KIAA1217: variants seen among roughly 807,000 people sequenced by gnomAD.
KIAA1217 encodes the protein KIAA1217, also known as sickle tail protein homolog.
In KIAA1217, 88 loss-of-function variants were observed where a neutral mutation model predicts 163.9. The observed-to-expected ratio is 0.54, with a 90% CI of 0.45 to 0.64. The LOEUF (loss-of-function observed/expected upper bound fraction) is 0.64, where lower values mean the gene tolerates loss of function less well. KIAA1217 is among the 30% of genes least tolerant of loss of function. The pLI is 0.00. For missense variants in KIAA1217, 2,372 were observed against 2,475.0 expected (o/e 0.96, Z 0.88); for synonymous variants, 903 against 923.1 (o/e 0.98, Z 0.39).
At chr10:24,403,231 T>TTTATTA (rs1020114353) in intron 3 of KIAA1217, among the ~76,000 whole-genome samples, 1 of 152,070 alleles carries the variant, frequency 6.6e-6, no homozygotes, top group African/African-American at 2.4e-5. Flanking sequence ...ATTCTATTTA[T>TTTATTA]TTATTATTAT....
At chr10:23,843,477 T>A (rs1263766391) in intron 1 of KIAA1217, among the ~76,000 whole-genome samples, 1 of 152,170 alleles carries the variant, frequency 6.6e-6, no homozygotes, top group Non-Finnish European at 1.5e-5. Flanking sequence ...TTCTCCCAAG[T>A]GTTTTCAGCC....
chr10:24,246,898 CA>C (rs2073864759), intron 2 of KIAA1217, among the ~76,000 whole-genome samples: 1 of 151,838 alleles, frequency 6.6e-6, no homozygotes, highest in Non-Finnish European at 1.5e-5. Flanking sequence ...TCTGCAATTC[CA>C]GCTACTTAGG....
chr10:24,335,449 C>T lies in KIAA1217; in HGVS notation c.355-45420C>T, dbSNP rs200021667. Among the ~76,000 whole-genome samples the T allele has an allele frequency of 5.7e-4, 86 of 151,980 alleles. 2 individuals are homozygous for T. The East Asian group carries it at 0.013, about 23-fold the overall frequency. ...CCGAGATTACAGGCAGGTACCACCA[C>T]ACCCGGCTAATGGGTATGGAGTTTT... On this transcript the variant is annotated intron_variant, in intron 2 of 20. Transcript: ENST00000376454.
At chr10:24,520,533 G>A (rs2070940004) in intron 11 of KIAA1217, among the ~76,000 whole-genome samples, 1 of 147,940 alleles carries the variant, frequency 6.8e-6, no homozygotes, top group Non-Finnish European at 1.5e-5. Flanking sequence ...CGGGATGCAT[G>A]TGCCAAACCC....
At chr10:23,985,610 C>G (rs1411550458) in intron 1 of KIAA1217, among the ~76,000 whole-genome samples, 2 of 152,178 alleles carry the variant, frequency 1.3e-5, no homozygotes, top group African/African-American at 4.8e-5. Flanking sequence ...ACTACAGAGG[C>G]ACTCCACTTC....
chr10:24,239,110 G>A (rs1156811241), intron 2 of KIAA1217: 1 of 976,892 alleles, frequency 1.0e-6, no homozygotes, highest in Admixed American at 6.2e-5. Context: ...CAAGACAGCC[G>A]ATTTAACAAG....
intron 1 of KIAA1217, among the ~76,000 whole-genome samples, chr10:23,988,062 GC>G (rs1406609508): frequency 6.6e-6 from 1 of 151,810 alleles, no homozygotes; most frequent in Non-Finnish European, 1.5e-5. Flanking sequence ...TTAAAAAGCA[GC>G]GTGGATCCTT....
rs904697320 is a variant in KIAA1217 at position 24,430,256 on chromosome 10, T to C, written c.554-2739T>C. On this transcript the variant is annotated intron_variant, in intron 3 of 20. Transcript: ENST00000376454. Reference sequence around the variant, plus strand: ...AGCTGGCCCCTTTGCCAGCATTCGGTCGAGGGCATATCAGCCCCTTCCCCT... The same window carrying C: ...AGCTGGCCCCTTTGCCAGCATTCGGCCGAGGGCATATCAGCCCCTTCCCCT... 3.3e-5 allele frequency among the ~76,000 whole-genome samples: 5 copies of C among 150,528 alleles called. No homozygotes were observed. In the East Asian group the frequency reaches 9.8e-4, roughly 29 times the overall value.
At chr10:24,216,299 A>G (rs986042148) in intron 1 of KIAA1217, among the ~76,000 whole-genome samples, 1 of 152,158 alleles carries the variant, frequency 6.6e-6, no homozygotes, top group African/African-American at 2.4e-5. Flanking sequence ...AATAGATCAT[A>G]TGAGCCTGTG....
At chr10:24,331,668 C>A (rs2045688419) in intron 2 of KIAA1217, among the ~76,000 whole-genome samples, 1 of 152,222 alleles carries the variant, frequency 6.6e-6, no homozygotes, top group Non-Finnish European at 1.5e-5. Flanking sequence ...CAAACAGCAG[C>A]TTCAAGCCAG....
chr10:24,468,605 A>G (rs1463875061), intron 5 of KIAA1217, among the ~76,000 whole-genome samples: 1 of 152,168 alleles, frequency 6.6e-6, no homozygotes, highest in African/African-American at 2.4e-5. Flanking sequence ...ACCCTTTTGG[A>G]TGATGGCAAG....
intron 2 of KIAA1217, among the ~76,000 whole-genome samples, chr10:24,184,528 C>T (rs559136036): frequency 6.6e-6 from 1 of 152,316 alleles, no homozygotes; most frequent in African/African-American, 2.4e-5. Flanking sequence ...CTATCACCCA[C>T]ACAGACTAAG....
intron 2 of KIAA1217, among the ~76,000 whole-genome samples, chr10:24,294,913 A>G (rs780618309): frequency 8.5e-5 from 13 of 152,166 alleles, no homozygotes; most frequent in Non-Finnish European, 1.2e-4. Context: ...TAAAATGACA[A>G]TATTTTCTAC....
At chr10:24,323,788 CGTGTGTGTGTGTGTGTGT>C (rs60528535) in intron 2 of KIAA1217, among the ~76,000 whole-genome samples, 25 of 144,300 alleles carry the variant, frequency 1.7e-4, no homozygotes, top group Non-Finnish European at 2.6e-4. Flanking sequence ...GTTTTCTCTT[CGTGTGTGTGTGTGTGTGT>C]GTGTGTGTGT....
chr10:23,895,214 A>G (rs1841621936), intron 1 of KIAA1217, among the ~76,000 whole-genome samples: 1 of 152,052 alleles, frequency 6.6e-6, no homozygotes, highest in Admixed American at 6.6e-5. Flanking sequence ...AACCCACAAA[A>G]TGGGAGAAAA....
At chr10:23,981,116 CAG>C (rs1424408763) in intron 1 of KIAA1217, among the ~76,000 whole-genome samples, 1 of 152,150 alleles carries the variant, frequency 6.6e-6, no homozygotes, top group Non-Finnish European at 1.5e-5. Flanking sequence ...TTTACAAACA[CAG>C]AACATTTCTG....
At chr10:24,293,831 A>C (rs1314479812) in intron 2 of KIAA1217, among the ~76,000 whole-genome samples, 2 of 152,214 alleles carry the variant, frequency 1.3e-5, no homozygotes, top group Non-Finnish European at 2.9e-5. Flanking sequence ...AGAGTGCAGA[A>C]ACCCTTTGCA....
At chr10:23,981,789 A>G (rs1308142307) in intron 1 of KIAA1217, among the ~76,000 whole-genome samples, 3 of 152,078 alleles carry the variant, frequency 2.0e-5, no homozygotes, top group Non-Finnish European at 4.4e-5. Flanking sequence ...ACTTTTCACT[A>G]TTATTCATTT....
intron 1 of KIAA1217, among the ~76,000 whole-genome samples, chr10:23,816,195 C>A (rs1420106019): frequency 6.6e-6 from 1 of 152,176 alleles, no homozygotes; most frequent in African/African-American, 2.4e-5. Flanking sequence ...ACACACAAAG[C>A]AGTACTAGGT....
Sources: allele counts gnomAD v4.1 joint callset (sites outside exome capture counted in the v4.1 genomes callset), GRCh38; gene constraint gnomAD v4.1.1; transcripts MANE v1.5; gene names NCBI Gene and HGNC (gene_info 2026-07-23, HGNC 2026-07-21).